Variants in SEPTIN3 observed in about 807,000 individuals in gnomAD.
SEPTIN3 encodes the protein septin 3.
Under a neutral mutation model 45.1 loss-of-function variants are expected in SEPTIN3, and 15 were observed. That is an observed-to-expected ratio of 0.33 (90% CI 0.22 to 0.51). The LOEUF (loss-of-function observed/expected upper bound fraction) is 0.51, where lower values mean the gene tolerates loss of function less well. Ranked by LOEUF, SEPTIN3 falls within the 20% of genes least tolerant of loss-of-function variation. The pLI is 0.97. For synonymous variants in SEPTIN3, 148 were observed against 164.8 expected (o/e 0.90, Z 0.78); for missense variants, 289 against 457.2 (o/e 0.63, Z 3.35).
intron 4 of SEPTIN3, 119 bp downstream of exon 4, chr22:41,986,231 G>A: frequency 8.1e-7 from 1 of 1,233,542 alleles, no homozygotes; most frequent in Non-Finnish European, 1.1e-6. Flanking sequence ...AGACAAAACA[G>A]ACGTGAGCAC....
intron 5 of SEPTIN3, 73 bp downstream of exon 5, chr22:41,987,360 T>C: frequency 7.2e-7 from 1 of 1,396,454 alleles, no homozygotes; most frequent in East Asian, 2.3e-5. Context: ...GCAGATTCAT[T>C]CACGTTGAGA....
Position 41,994,394 on chromosome 22 carries a change from CA to C in SEPTIN3, c.2411+54del. 1 of 1,586,442 alleles carries C rather than the reference CA, an allele frequency of 6.3e-7. No individual in the cohort carries two copies. Reference sequence around the variant, plus strand: ...GACAGCAGGTTGAATTATTTGGGGTCAGGGTCTATCTGTTCAGATTCACCTC... The same window carrying C: ...GACAGCAGGTTGAATTATTTGGGGTCGGGTCTATCTGTTCAGATTCACCTC... On this transcript the variant is annotated intron_variant, in intron 10 of 11. Transcript: ENST00000644076. The surrounding 1 kb of genome is among the most constrained non-coding windows in gnomAD (Gnocchi z 4.2).
intron 11 of SEPTIN3, chr22:41,996,235 A>G (rs2078435135): frequency 1.0e-6 from 1 of 984,854 alleles, no homozygotes; most frequent in African/African-American, 1.7e-5. Context: ...TAATGCATAT[A>G]TTTCCCCTGC....
In SEPTIN3 at chr22:41,971,551, C is replaced by T. The variant is rs987478660; in HGVS notation, c.59C>T (p.Pro20Leu). The T allele has an allele frequency of 6.5e-5, 26 of 399,060 alleles. No homozygotes were observed. Among genetic ancestry groups the T allele is most frequent in the Non-Finnish European group, 9.7e-5 (22 of 226,194 alleles). 24.7% of individuals were successfully genotyped at this position (399,060 alleles called of 1,614,324 possible). ...PEMQSHGAPGPGTSFSHSHVL... is the reference protein window; with the variant it reads ...PEMQSHGAPGLGTSFSHSHVL... ...ATGCAGTCGCATGGAGCTCCAGGCC[C>T]GGGAACCTCCTTCTCCCATAGCCAT... The change falls in exon 2 of 12, where the codon CCG becomes CTG. Residue 20 changes from proline to leucine, a missense_variant. Coordinates refer to ENST00000644076, the MANE Select transcript of SEPTIN3 (RefSeq NM_001363845.2).
rs1195443986 is a variant in SEPTIN3, at chr22:41,994,390, G to C, written c.2411+49G>C. On this transcript the variant is annotated intron_variant, in intron 10 of 11. Transcript: ENST00000644076. This position sits in a 1 kb window ranked among gnomAD's most constrained non-coding sequence, Gnocchi z 4.2. ...TCCAGACAGCAGGTTGAATTATTTG[G>C]GGTCAGGGTCTATCTGTTCAGATTC... is the stretch of plus-strand genomic sequence containing the variant. 1 of 1,593,468 alleles carries C rather than the reference G, an allele frequency of 6.3e-7. No homozygotes were observed. The highest frequency in any genetic ancestry group is 1.7e-4 in the Middle Eastern group (1 of 6,022).
rs549505418 is a variant in SEPTIN3, at chr22:41,984,450, G to A, written c.1697-1534G>A. 2.6e-5 allele frequency among the ~76,000 whole-genome samples: 4 copies of A among 152,320 alleles called. No individual in the cohort carries two copies. The East Asian group carries it at 7.7e-4, about 29-fold the overall frequency. On this transcript the variant is annotated intron_variant, in intron 3 of 11. Transcript: ENST00000644076. ...GATTCTGCATTTCCTACTAGTGTCC[G>A]GGCAATGCCGAGGCTGCTTGTCAAT...
intron 9 of SEPTIN3, among the ~76,000 whole-genome samples, chr22:41,993,008 G>C (rs1282054857): frequency 6.6e-6 from 1 of 152,208 alleles, no homozygotes; most frequent in African/African-American, 2.4e-5. Flanking sequence ...AGAACATGGA[G>C]AGATTAGTAA....
At position 41,985,932 on chromosome 22, in the gene SEPTIN3, C is replaced by T. The variant is rs538118164; in HGVS notation, c.1697-52C>T. The stretch of plus-strand genomic sequence containing the variant: ...TGTAAGCTTATGGAGAAATATTAGG[C>T]TCAGGAGGTGGATGCAGAGTCTCCC... On this transcript the variant is annotated intron_variant, in intron 3 of 11. Coordinates refer to ENST00000644076, the MANE Select transcript of SEPTIN3 (RefSeq NM_001363845.2). The T allele has an allele frequency of 1.8e-5, 28 of 1,546,514 alleles. No homozygotes were observed. In the African/African-American group the frequency reaches 3.7e-4, roughly 20 times the overall value.
chr22:41,979,510 G>A (rs2078087549), intron 2 of SEPTIN3, among the ~76,000 whole-genome samples: 2 of 152,222 alleles, frequency 1.3e-5, no homozygotes. Flanking sequence ...GAAAAATGGG[G>A]CATTGGTCCC....
At chr22:41,995,763 G>A (rs1447962617) in intron 11 of SEPTIN3, 4 of 974,630 alleles carry the variant, frequency 4.1e-6, no homozygotes, top group East Asian at 1.1e-4. Flanking sequence ...ACCTGAACAG[G>A]CCCTGAGCTC....
chr22:41,987,600 A>G (rs2078231081), intron 5 of SEPTIN3, 22 bp from the exon 6 acceptor site: 1 of 1,601,544 alleles, frequency 6.2e-7, no homozygotes, highest in Non-Finnish European at 8.5e-7. Context: ...TGATGCATCT[A>G]TCTACTTTCC....
chr22:41,970,387 C>T (rs1385040098), intron 1 of SEPTIN3, among the ~76,000 whole-genome samples: 1 of 152,146 alleles, frequency 6.6e-6, no homozygotes, highest in Admixed American at 6.5e-5. Flanking sequence ...CAGCCTCCTC[C>T]AGCCCCAGCC....
chr22:41,991,710 C>T lies in SEPTIN3; in HGVS notation c.2259+42C>T, dbSNP rs768109321. The stretch of plus-strand genomic sequence containing the variant: ...CTGCTCCTCCACTGATGCCCCCTTG[C>T]GACCTCTGGGATGTGTATTGTGCAC... On this transcript the variant is annotated intron_variant, in intron 8 of 11. Coordinates refer to ENST00000644076, the MANE Select transcript of SEPTIN3 (RefSeq NM_001363845.2). 6.6e-5 allele frequency: 86 copies of T among 1,296,536 alleles called. No individual in the cohort carries two copies. In the East Asian group the frequency reaches 1.3e-3, roughly 20 times the overall value. 80.3% of individuals were successfully genotyped at this position (1,296,536 alleles called of 1,614,324 possible). A position where few individuals can be genotyped will look rare whatever the true frequency, so the allele number is the denominator to read the frequency against.
intron 2 of SEPTIN3, among the ~76,000 whole-genome samples, chr22:41,977,612 C>G (rs1160446963): frequency 2.0e-5 from 3 of 146,990 alleles, no homozygotes; most frequent in African/African-American, 7.6e-5. Context: ...AGGGCTGGAA[C>G]TGGGGTGGGC....
rs1324108685 is a variant in SEPTIN3 at position 41,981,761 on chromosome 22, G to A, written c.1621G>A (p.Gly541Ser). The change falls in exon 3 of 12, where the codon GGC becomes AGC. Residue 541 changes from glycine (G) to serine (S), a missense_variant. Gly to Ser is a moderately conservative substitution (Grantham distance 56, BLOSUM62 0). This residue lies in a region of SEPTIN3 where 200 missense variants were observed against 315.1 expected (regional missense o/e 0.63). Transcript: ENST00000644076. ...SINSNLLGYI[G>S]IDTIIEQMRK... ...CAACTCCAACCTGCTGGGCTACATC[G>A]GCATCGACACCATCATCGAGCAGAT... 3 of 1,613,904 alleles carry A rather than the reference G, an allele frequency of 1.9e-6. No homozygotes were observed. The highest frequency in any genetic ancestry group is 1.3e-5 in the African/African-American group (1 of 74,908).
intron 8 of SEPTIN3, among the ~76,000 whole-genome samples, chr22:41,992,250 A>C (rs1439382801): frequency 6.6e-6 from 1 of 152,118 alleles, no homozygotes. Context: ...ATGGTGGCGC[A>C]TGCCTGTAAT....
Position 41,990,745 on chromosome 22 carries a change from C to CAAA in SEPTIN3, c.2164-807_2164-805dup, listed in dbSNP as rs71184855. Among the ~76,000 whole-genome samples, 264 of 96,480 alleles carry CAAA rather than the reference C, an allele frequency of 2.7e-3. 2 individuals are homozygous for CAAA. The highest frequency in any genetic ancestry group is 4.5e-3 in the South Asian group (13 of 2,920). 63.3% of individuals were successfully genotyped at this position (96,480 alleles called of 152,430 possible). On this transcript the variant is annotated intron_variant, in intron 7 of 11. Coordinates refer to ENST00000644076, the MANE Select transcript of SEPTIN3 (RefSeq NM_001363845.2). ...TGGGCGACAAAGTGACACTCTATCT[C>CAAA]AAAAAAAAAAAAAAAAAAAAAAAGA...
chr22:41,988,801 A>C (rs1036106407), intron 6 of SEPTIN3, among the ~76,000 whole-genome samples: 1 of 152,212 alleles, frequency 6.6e-6, no homozygotes, highest in East Asian at 1.9e-4. Flanking sequence ...GGCTAGGAGG[A>C]GACCTGTCAA....
chr22:41,996,433 A>G (rs978363596), intron 11 of SEPTIN3: 1 of 987,060 alleles, frequency 1.0e-6, no homozygotes. Flanking sequence ...GAATCCCAGC[A>G]CTTATAATCC....
Sources: allele counts gnomAD v4.1 joint callset (sites outside exome capture counted in the v4.1 genomes callset), GRCh38; gene constraint gnomAD v4.1.1; regional missense constraint gnomAD v4.1.1; non-coding constraint Gnocchi (gnomAD v3.1); transcripts MANE v1.5; gene names NCBI Gene and HGNC (gene_info 2026-07-23, HGNC 2026-07-21).